Variants in TNNT2 observed in about 807,000 individuals in gnomAD.
The protein encoded by TNNT2 is troponin T2, cardiac type.
A neutral mutation model predicts 62.4 loss-of-function variants in TNNT2; 34 were observed. The observed-to-expected ratio is 0.54, with a 90% CI of 0.41 to 0.72. The LOEUF is 0.72. Ranked by LOEUF, TNNT2 falls within the 30% of genes least tolerant of loss-of-function variation. TNNT2 has a pLI of 0.00. For missense variants in TNNT2, 275 were observed against 381.9 expected, an observed-to-expected ratio of 0.72 and a Z score of 2.33; for synonymous variants, 123 against 127.2, an observed-to-expected ratio of 0.97 and a Z score of 0.22.
At chr1:201,365,416 T>C (rs1229371845) in intron 9 of TNNT2, 109 bp from the exon 10 acceptor site, 1 of 1,218,400 alleles carries the variant, frequency 8.2e-7, no homozygotes. Context: ...TGGCAGGGCC[T>C]GGCGCCTGGC....
At chr1:201,376,559 CA>C (rs2102335690) in intron 1 of TNNT2, among the ~76,000 whole-genome samples, 1 of 152,262 alleles carries the variant, frequency 6.6e-6, no homozygotes, top group African/African-American at 2.4e-5. Flanking sequence ...AGGCAGCCAG[CA>C]ACCTGATCCT....
At chr1:201,359,694 A>T (rs1439692011) in intron 15 of TNNT2, 31 bp from the exon 16 acceptor site, 5 of 1,573,358 alleles carry the variant, frequency 3.2e-6, no homozygotes, top group Non-Finnish European at 3.5e-6. Context: ...ACAAAGAGCA[A>T]CGCTGGAGCT....
intron 4 of TNNT2, 45 bp downstream of exon 4, chr1:201,371,982 C>G: frequency 6.2e-7 from 1 of 1,613,590 alleles, no homozygotes; most frequent in African/African-American, 1.3e-5. Flanking sequence ...TTCCACATTG[C>G]TGAGCCTGCC....
rs1558218809 is a variant in TNNT2, at chr1:201,361,363, C to A, written c.726G>T (p.Lys242Asn). The A allele has an allele frequency of 6.2e-7, 1 of 1,614,150 alleles. No individual in the cohort carries two copies. Among genetic ancestry groups the A allele is most frequent in the Non-Finnish European group, 8.5e-7 (1 of 1,179,982 alleles). ...DHLNEDQLREKAKELWQSIYN... is the reference protein window; with the variant it reads ...DHLNEDQLRENAKELWQSIYN... ...AGATGCTCTGCCACAGCTCCTTGGC[C>A]TTCTCCCTGCACGGGCAAGGGTGAG... Residue 242 changes from lysine to asparagine, a missense_variant, in exon 15 of 17, where the codon AAG becomes AAT. Transcript: ENST00000656932.
At chr1:201,366,509 A>G in intron 8 of TNNT2, 1 of 1,218,864 alleles carries the variant, frequency 8.2e-7, no homozygotes. Flanking sequence ...CCTTAATCCC[A>G]AGGTCCCACC....
intron 4 of TNNT2, among the ~76,000 whole-genome samples, chr1:201,370,530 C>T (rs996792613): frequency 3.3e-5 from 5 of 152,230 alleles, no homozygotes; most frequent in African/African-American, 1.2e-4. Flanking sequence ...GCAAGTGGAA[C>T]AATTCCTCTC....
At chr1:201,362,150 C>T (rs779532224) in intron 13 of TNNT2, 128 bp from the exon 14 acceptor site, 2 of 1,203,170 alleles carry the variant, frequency 1.7e-6, no homozygotes, top group Non-Finnish European at 2.4e-6. Flanking sequence ...TTCTTCCTGC[C>T]ACACCCCCCA....
At chr1:201,362,157 C>A in intron 13 of TNNT2, 135 bp from the exon 14 acceptor site, 1 of 1,180,686 alleles carries the variant, frequency 8.5e-7, no homozygotes, top group African/African-American at 1.5e-5. Context: ...TGCCACACCC[C>A]CCAACTACCA....
chr1:201,377,237 T>A (rs974172631), intron 1 of TNNT2, among the ~76,000 whole-genome samples: 1 of 152,176 alleles, frequency 6.6e-6, no homozygotes, highest in Non-Finnish European at 1.5e-5. Context: ...TAGGGGAGTC[T>A]CTGTTGGTTA....
intron 11 of TNNT2, 88 bp from the exon 12 acceptor site, chr1:201,363,494 G>T: frequency 7.9e-7 from 1 of 1,261,886 alleles, no homozygotes; most frequent in Non-Finnish European, 1.2e-6. Context: ...CTTTATGGGT[G>T]AGTTCAGCTT....
At chr1:201,362,262 C>G (rs1206425148) in intron 13 of TNNT2, 124 bp downstream of exon 13, 1 of 1,495,006 alleles carries the variant, frequency 6.7e-7, no homozygotes, top group Non-Finnish European at 9.1e-7. Flanking sequence ...CACCTCTCAC[C>G]AGCTTCCCCC....
At position 201,365,189 on chromosome 1, in the gene TNNT2, A is replaced by G; in HGVS notation, c.411+2T>C. 1 of 1,611,190 alleles carries G rather than the reference A, an allele frequency of 6.2e-7. No homozygotes were observed. The highest frequency in any genetic ancestry group is 8.5e-7 in the Non-Finnish European group (1 of 1,177,284). ...TGTTAGGTGGGCAGACTGGACACCTACGATCCTGTCTTTGAGAGAAACGAG... is the reference window on the plus strand; with the variant it reads ...TGTTAGGTGGGCAGACTGGACACCTGCGATCCTGTCTTTGAGAGAAACGAG... On this transcript the variant is annotated splice_donor_variant, in intron 10 of 16. Transcript: ENST00000656932. LOFTEE classifies it high-confidence loss of function.
chr1:201,372,220 A>G (rs369133191), intron 2 of TNNT2, 65 bp from the exon 3 acceptor site: 282 of 1,603,610 alleles, frequency 1.8e-4, no homozygotes, highest in Non-Finnish European at 2.3e-4. Flanking sequence ...ACACGCCTGC[A>G]CACACATGCA....
chr1:201,367,855 T>A (rs765805270), intron 6 of TNNT2, 49 bp from the exon 7 acceptor site: 5 of 1,606,188 alleles, frequency 3.1e-6, no homozygotes, highest in Admixed American at 1.7e-5. Flanking sequence ...TGAGCTCAAG[T>A]CCCCCCCTCC....
intron 1 of TNNT2, chr1:201,373,695 T>A (rs1349209969): frequency 3.7e-6 from 1 of 268,656 alleles, no homozygotes; most frequent in Non-Finnish European, 7.2e-6. Context: ...CACCTCAGCC[T>A]CCTGAGTTGC....
At chr1:201,364,655 C>G (rs1427471442) in intron 10 of TNNT2, among the ~76,000 whole-genome samples, 1 of 152,250 alleles carries the variant, frequency 6.6e-6, no homozygotes, top group East Asian at 1.9e-4. Flanking sequence ...TCTGCCCCCA[C>G]CTCCATCCCA....
intron 16 of TNNT2, 81 bp from the exon 17 acceptor site, chr1:201,359,336 G>T: frequency 6.5e-7 from 1 of 1,539,666 alleles, no homozygotes; most frequent in Non-Finnish European, 8.9e-7. Context: ...GGACTGGGGT[G>T]CCAAAGGGGA....
chr1:201,373,186 A>T (rs1258042570), intron 2 of TNNT2, 28 bp downstream of exon 2: 1 of 1,613,008 alleles, frequency 6.2e-7, no homozygotes, highest in African/African-American at 1.3e-5. Flanking sequence ...AGAGGACCCC[A>T]CTCAGGCAAG....
Position 201,372,014 on chromosome 1 carries a change from C to T in TNNT2, c.67+13G>A. On this transcript the variant is annotated intron_variant, in intron 4 of 16. Coordinates refer to ENST00000656932, the MANE Select transcript of TNNT2 (RefSeq NM_001276345.2). Reference sequence around the variant, plus strand: ...TGCCCCTTTCTGGCTCTCCACCTGCCTGAGGCACATACCTTCAACAGCTGC... The same window carrying T: ...TGCCCCTTTCTGGCTCTCCACCTGCTTGAGGCACATACCTTCAACAGCTGC... 3.1e-6 allele frequency: 5 copies of T among 1,613,628 alleles called. No homozygotes were observed. Among genetic ancestry groups the T allele is most frequent in the Non-Finnish European group, 4.2e-6 (5 of 1,179,928 alleles).
Sources: gnomAD v4.1 joint callset for allele counts (sites outside exome capture counted in the v4.1 genomes callset) on GRCh38, gnomAD v4.1.1 for gene constraint, MANE v1.5 for transcripts, NCBI Gene and HGNC (gene_info 2026-07-23, HGNC 2026-07-21) for gene names.